The following FSD1L variants were observed in gnomAD, a reference collection of about 807,000 sequenced individuals.
FSD1L encodes the protein FSD1-like protein.
In FSD1L, 45 loss-of-function variants were observed where a neutral mutation model predicts 71.6. That is an observed-to-expected ratio of 0.63 (90% CI 0.49 to 0.81). The LOEUF (loss-of-function observed/expected upper bound fraction) is 0.81. Among genes scored for constraint, FSD1L ranks in the 30% least tolerant of loss-of-function variants. The pLI, the probability that FSD1L is intolerant of heterozygous loss-of-function variation, is 0.00. For missense variants in FSD1L, 561 were observed against 618.1 expected, an observed-to-expected ratio of 0.91 and a Z score of 0.98; for synonymous variants, 197 against 207.2, an observed-to-expected ratio of 0.95 and a Z score of 0.42.
At chr9:105,469,747 T>G (rs1378881309) in intron 4 of FSD1L, among the ~76,000 whole-genome samples, 1 of 151,742 alleles carries the variant, frequency 6.6e-6, no homozygotes, top group African/African-American at 2.4e-5. Flanking sequence ...TTTTACTCTG[T>G]TGGTTGTTCT....
At chr9:105,493,375 A>T in intron 7 of FSD1L, among the ~76,000 whole-genome samples, 1 of 151,820 alleles carries the variant, frequency 6.6e-6, no homozygotes, top group Non-Finnish European at 1.5e-5. Flanking sequence ...CCATCCTTTT[A>T]TTTTGAGCCT....
Position 105,547,162 on chromosome 9 carries a change from G to GGGT in FSD1L, c.*680_*682dup, listed in dbSNP as rs1225457538. The GGGT allele has an allele frequency of 6.6e-6, 1 of 152,394 alleles. No homozygotes were observed. The highest frequency in any genetic ancestry group is 1.5e-5 in the Non-Finnish European group (1 of 67,942). The allele number at this position is 152,394 out of a possible 1,614,324, so 9.4% of individuals were successfully genotyped here. On this transcript the variant is annotated 3_prime_UTR_variant, in exon 14 of 14. Coordinates refer to ENST00000481272, the MANE Select transcript of FSD1L (RefSeq NM_001145313.3). ...CCTACTGCACTAACAATGGCAAGGGGGGTATTCTTTATATGTTGCCTTGTT... is the reference window on the plus strand; with the variant it reads ...CCTACTGCACTAACAATGGCAAGGGGGGTGGTATTCTTTATATGTTGCCTTGTT...
intron 7 of FSD1L, among the ~76,000 whole-genome samples, chr9:105,495,632 C>T (rs577916180): frequency 1.3e-5 from 2 of 152,310 alleles, no homozygotes; most frequent in Non-Finnish European, 1.5e-5. Flanking sequence ...TGTTCCTATT[C>T]GGCCATCTTG....
intron 3 of FSD1L, among the ~76,000 whole-genome samples, chr9:105,465,240 T>C (rs1436375344): frequency 6.6e-6 from 1 of 152,102 alleles, no homozygotes; most frequent in Admixed American, 6.6e-5. Context: ...AGGTCAATAA[T>C]GAATAAGGAA....
At chr9:105,445,107 G>A (rs1829613973), upstream of FSD1L, among the ~76,000 whole-genome samples, 1 of 152,182 alleles carries the variant, frequency 6.6e-6, no homozygotes, top group Non-Finnish European at 1.5e-5. Flanking sequence ...TAGGCCAGAG[G>A]TACTGGGAGG....
intron 12 of FSD1L, among the ~76,000 whole-genome samples, chr9:105,536,132 C>T (rs1836250048): frequency 6.6e-6 from 1 of 152,172 alleles, no homozygotes; most frequent in African/African-American, 2.4e-5. Flanking sequence ...CACTTATGTG[C>T]CTGAAGAACT....
intron 10 of FSD1L, among the ~76,000 whole-genome samples, chr9:105,530,134 T>C (rs1024644909): frequency 3.3e-5 from 5 of 152,308 alleles, no homozygotes; most frequent in Admixed American, 6.5e-5. Context: ...GATTTTTAAA[T>C]AGAGGAATCA....
At chr9:105,529,553 A>G (rs540273051) in intron 10 of FSD1L, among the ~76,000 whole-genome samples, 35 of 152,304 alleles carry the variant, frequency 2.3e-4, no homozygotes, top group African/African-American at 8.2e-4. Flanking sequence ...GTTCTCACTC[A>G]TAAGTGGGAG....
rs1377659472 is a variant in FSD1L at position 105,448,095 on chromosome 9, G to T, written c.-126G>T. On this transcript the variant is annotated 5_prime_UTR_variant, in exon 1 of 14. Transcript: ENST00000481272. ...CGCGGTCTGGGCGCGGACGGGTGGG[G>T]CCGGGCGGTGCCGGTGCGGGCTGGG... The T allele has an allele frequency of 1.8e-6, 2 of 1,095,664 alleles. No individual in the cohort carries two copies. Among genetic ancestry groups the T allele is most frequent in the South Asian group, 1.3e-5 (1 of 74,074 alleles). 67.9% of individuals were successfully genotyped at this position (1,095,664 alleles called of 1,614,324 possible).
chr9:105,480,545 G>A (rs528759495), intron 6 of FSD1L, among the ~76,000 whole-genome samples: 8 of 152,162 alleles, frequency 5.3e-5, no homozygotes, highest in Non-Finnish European at 1.2e-4. Flanking sequence ...GCCCAACTTG[G>A]CCTCCCAAAG....
chr9:105,458,466 T>G lies in FSD1L; in HGVS notation c.16-3054T>G, dbSNP rs576476241. ...GACAACTGGATGGTGAGCAAGGCAG[T>G]GGAGAGTTTTACTGAGTGACAGAAC... On this transcript the variant is annotated intron_variant, in intron 1 of 13. Coordinates refer to ENST00000481272, the MANE Select transcript of FSD1L (RefSeq NM_001145313.3). 4.6e-5 allele frequency among the ~76,000 whole-genome samples: 7 copies of G among 152,196 alleles called. No homozygotes were observed. The South Asian group carries it at 1.5e-3, about 32-fold the overall frequency.
intron 7 of FSD1L, among the ~76,000 whole-genome samples, chr9:105,505,480 C>T (rs1449506879): frequency 1.3e-5 from 2 of 152,114 alleles, no homozygotes; most frequent in East Asian, 1.9e-4. Flanking sequence ...AGGCTGGTCT[C>T]GAACTCCTGA....
intron 2 of FSD1L, among the ~76,000 whole-genome samples, chr9:105,462,250 C>T (rs1462733554): frequency 6.9e-6 from 1 of 144,162 alleles, no homozygotes; most frequent in Non-Finnish European, 1.5e-5. Flanking sequence ...GAATCTTGCT[C>T]TGTCACCCAG....
At chr9:105,530,649 C>A in intron 10 of FSD1L, 1 of 656,252 alleles carries the variant, frequency 1.5e-6, no homozygotes, top group Admixed American at 2.4e-5. Context: ...AAATATTTTT[C>A]AGAATGCATG....
At chr9:105,447,059 C>T (rs1012477928), upstream of FSD1L, among the ~76,000 whole-genome samples, 1 of 152,014 alleles carries the variant, frequency 6.6e-6, no homozygotes, top group Admixed American at 6.6e-5. Flanking sequence ...CCCTGTAACC[C>T]ACACCTGTAA....
chr9:105,544,786 A>C (rs1385388218), intron 13 of FSD1L, among the ~76,000 whole-genome samples: 2 of 151,998 alleles, frequency 1.3e-5, no homozygotes, highest in African/African-American at 4.8e-5. Context: ...ATTGGTCTAT[A>C]TCTCTGTTTT....
chr9:105,520,384 TAAAC>T, intron 10 of FSD1L: 1 of 1,202,264 alleles, frequency 8.3e-7, no homozygotes. Context: ...CTATTGATCT[TAAAC>T]AGTTTTTCGA....
intron 4 of FSD1L, among the ~76,000 whole-genome samples, chr9:105,470,713 G>A (rs1036382406): frequency 6.6e-6 from 1 of 152,100 alleles, no homozygotes; most frequent in African/African-American, 2.4e-5. Flanking sequence ...TCTTCGAAGT[G>A]TGTCCATACT....
At chr9:105,475,973 C>A (rs560017609) in intron 5 of FSD1L, among the ~76,000 whole-genome samples, 2 of 151,874 alleles carry the variant, frequency 1.3e-5, no homozygotes, top group Non-Finnish European at 2.9e-5. Flanking sequence ...GGCTCTTTTT[C>A]CCTCTCCCTT....
Sources: gnomAD v4.1 joint callset for allele counts (sites outside exome capture counted in the v4.1 genomes callset) on GRCh38, gnomAD v4.1.1 for gene constraint, MANE v1.5 for transcripts, NCBI Gene and HGNC (gene_info 2026-07-23, HGNC 2026-07-21) for gene names.